The following ARHGAP5 variants were observed in gnomAD, a reference collection of about 807,000 sequenced individuals.
ARHGAP5 encodes rho GTPase-activating protein 5.
Under a neutral mutation model 116.6 loss-of-function variants are expected in ARHGAP5, and 23 were observed. The observed-to-expected ratio is 0.20, with a 90% CI of 0.14 to 0.28. The LOEUF is 0.28. Ranked by LOEUF, ARHGAP5 falls within the 10% of genes least tolerant of loss-of-function variation. ARHGAP5 has a pLI of 1.00. For synonymous variants in ARHGAP5, 574 were observed against 602.0 expected (o/e 0.95, Z 0.68); for missense variants, 1,405 against 1,774.8 (o/e 0.79, Z 3.74).
At chr14:32,085,483 C>G (rs1470268647) in intron 1 of ARHGAP5, among the ~76,000 whole-genome samples, 2 of 152,144 alleles carry the variant, frequency 1.3e-5, no homozygotes, top group Non-Finnish European at 2.9e-5. Flanking sequence ...AGTAATGCAT[C>G]AGTACTACAC....
intron 2 of ARHGAP5, among the ~76,000 whole-genome samples, chr14:32,102,338 A>G (rs1566665981): frequency 6.6e-6 from 1 of 152,134 alleles, no homozygotes; most frequent in East Asian, 1.9e-4. Context: ...TAACCAATAC[A>G]GTCTGTCCAG....
chr14:32,149,629 G>A (rs1189513159), intron 4 of ARHGAP5, among the ~76,000 whole-genome samples: 4 of 151,750 alleles, frequency 2.6e-5, no homozygotes, highest in African/African-American at 7.3e-5. Context: ...AAAATTAGCC[G>A]GGCGTGGTGA....
At chr14:32,078,365 T>G (rs2041735267) in intron 1 of ARHGAP5, 1 of 152,244 alleles carries the variant, frequency 6.6e-6, no homozygotes, top group South Asian at 2.1e-4. Flanking sequence ...CGCTTATACT[T>G]CTACCATGTG....
chr14:32,148,309 A>G (rs1192228622), intron 4 of ARHGAP5, among the ~76,000 whole-genome samples: 2 of 152,190 alleles, frequency 1.3e-5, no homozygotes, highest in Non-Finnish European at 2.9e-5. Context: ...TATAGTTAAT[A>G]CCAAGGCTCT....
At chr14:32,135,487 A>G (rs1338737317) in intron 3 of ARHGAP5, among the ~76,000 whole-genome samples, 1 of 152,204 alleles carries the variant, frequency 6.6e-6, no homozygotes, top group African/African-American at 2.4e-5. Context: ...CAGTGGCGTG[A>G]TCTAGCCTCA....
intron 1 of ARHGAP5, among the ~76,000 whole-genome samples, chr14:32,081,077 C>T (rs1032311851): frequency 2.6e-5 from 4 of 152,058 alleles, no homozygotes; most frequent in Admixed American, 1.3e-4. Flanking sequence ...CAGCTAGGCA[C>T]TGAGTGATAC....
rs921915807 is a variant in ARHGAP5 at position 32,092,509 on chromosome 14, A to T, written c.1840A>T (p.Ile614Leu). The change falls in exon 2 of 7, where the codon ATA becomes TTA. Residue 614 changes from isoleucine to leucine, a missense_variant. Around this residue, in one of 6 missense-constraint regions of ARHGAP5, gnomAD observed 944 missense variants for 1,095.3 expected, o/e 0.86. Transcript: ENST00000345122. This position sits in a 1 kb window ranked among gnomAD's most constrained non-coding sequence, Gnocchi z 4.1. ...DGLAQELANEIRTQSTDDEYA... is the reference protein window; with the variant it reads ...DGLAQELANELRTQSTDDEYA... ...CCTTGCCCAAGAACTAGCAAATGAG[A>T]TAAGGACACAATCCACTGATGATGA... The T allele has an allele frequency of 1.7e-5, 27 of 1,614,016 alleles. No individual in the cohort carries two copies. The highest frequency in any genetic ancestry group is 2.1e-5 in the Non-Finnish European group (25 of 1,179,886).
In ARHGAP5 at chr14:32,093,673, C is replaced by T; in HGVS notation, c.3004C>T (p.Pro1002Ser). Residue 1002 changes from proline to serine, a missense_variant, in exon 2 of 7, where the codon CCA (proline) becomes TCA (serine). Physicochemically the swap from Pro to Ser is moderately conservative, Grantham distance 74. Transcript: ENST00000345122. ...AATTGGGGATGATGTACAGTTGCTT[C>T]CAACACCTAGTGACCGTTCCAGATA... is the stretch of plus-strand genomic sequence containing the variant. ...SPIGDDVQLL[P>S]TPSDRSRYRL... is the part of the protein sequence containing the mutation. 1 of 1,613,982 alleles carries T rather than the reference C, an allele frequency of 6.2e-7. No homozygotes were observed. Among genetic ancestry groups the T allele is most frequent in the Non-Finnish European group, 8.5e-7 (1 of 1,179,942 alleles).
intron 3 of ARHGAP5, among the ~76,000 whole-genome samples, chr14:32,131,933 C>T (rs1039071530): frequency 1.3e-5 from 2 of 152,190 alleles, no homozygotes; most frequent in African/African-American, 4.8e-5. Flanking sequence ...TTTATGGCTG[C>T]ATAGTATTCC....
chr14:32,097,286 A>T (rs1329062433), intron 2 of ARHGAP5, among the ~76,000 whole-genome samples: 3 of 152,198 alleles, frequency 2.0e-5, no homozygotes. Flanking sequence ...AAGGAAAATC[A>T]TATCCATGTT....
chr14:32,130,547 T>G (rs559990656), intron 3 of ARHGAP5, among the ~76,000 whole-genome samples: 1 of 148,486 alleles, frequency 6.7e-6, no homozygotes, highest in Non-Finnish European at 1.5e-5. Flanking sequence ...GATTGATTGA[T>G]TGATTGATTT....
Position 32,154,702 on chromosome 14 carries a change from T to G in ARHGAP5, c.4263T>G (p.Asp1421Glu). The G allele has an allele frequency of 6.2e-7, 1 of 1,614,150 alleles. No individual in the cohort carries two copies. The highest frequency in any genetic ancestry group is 2.2e-5 in the East Asian group (1 of 44,886). ...ICFWPTLMRP[D>E]FENREFLSTT... ...TTTGGCCAACCTTGATGAGACCTGA[T>G]TTTGAAAATCGAGAGTTTCTGTCTA... Residue 1421 changes from aspartate (D) to glutamate (E), a missense_variant, in exon 7 of 7, where the codon GAT becomes GAG. Transcript: ENST00000345122.
At chr14:32,079,253 A>G (rs775904607) in intron 1 of ARHGAP5, among the ~76,000 whole-genome samples, 1 of 152,228 alleles carries the variant, frequency 6.6e-6, no homozygotes, top group African/African-American at 2.4e-5. Flanking sequence ...TTAAACCTAG[A>G]TCAACATGTC....
At chr14:32,113,514 G>A (rs1315104335) in intron 2 of ARHGAP5, among the ~76,000 whole-genome samples, 1 of 152,158 alleles carries the variant, frequency 6.6e-6, no homozygotes, top group African/African-American at 2.4e-5. Context: ...TAGATTGCTA[G>A]CTCTGAATCT....
intron 3 of ARHGAP5, among the ~76,000 whole-genome samples, chr14:32,118,508 G>A (rs112801722): frequency 0.059 from 9,005 of 151,418 alleles, 387 homozygotes; most frequent in East Asian, 0.2. Flanking sequence ...AAAAAAAAAA[G>A]AAAGAAGAAA....
rs141045199 is a variant in ARHGAP5, at chr14:32,144,764, G to A, written c.3866-1499G>A. Reference sequence around the variant, plus strand: ...TTCCCAAAGTGCTGGGATTACAGGCGGGAGCCATCACTCCTGGCCTAAAAT... The same window carrying A: ...TTCCCAAAGTGCTGGGATTACAGGCAGGAGCCATCACTCCTGGCCTAAAAT... On this transcript the variant is annotated intron_variant, in intron 3 of 6. Coordinates refer to ENST00000345122, the MANE Select transcript of ARHGAP5 (RefSeq NM_001030055.2). Among the ~76,000 whole-genome samples, 123 of 152,208 alleles carry A rather than the reference G, an allele frequency of 8.1e-4. 1 individual carries two copies. The highest frequency in any genetic ancestry group is 7.7e-3 in the Admixed American group (118 of 15,294).
chr14:32,080,035 A>G (rs2041756426), intron 1 of ARHGAP5, among the ~76,000 whole-genome samples: 1 of 152,152 alleles, frequency 6.6e-6, no homozygotes, highest in Admixed American at 6.5e-5. Flanking sequence ...ATCATTCAGT[A>G]ATTTGAGTAA....
At chr14:32,116,685 A>G (rs1879616819) in intron 2 of ARHGAP5, among the ~76,000 whole-genome samples, 1 of 152,210 alleles carries the variant, frequency 6.6e-6, no homozygotes, top group Non-Finnish European at 1.5e-5. Flanking sequence ...CTAACGGTTC[A>G]TGGAGTTATA....
chr14:32,132,034 G>T (rs113441256), intron 3 of ARHGAP5, among the ~76,000 whole-genome samples: 1,555 of 152,194 alleles, frequency 0.01, 14 homozygotes, highest in Middle Eastern at 0.017. Context: ...GAATAGTGCC[G>T]CAATAAACAT....
Sources: gnomAD v4.1 joint callset for allele counts (sites outside exome capture counted in the v4.1 genomes callset) on GRCh38, gnomAD v4.1.1 for gene constraint, gnomAD v4.1.1 regional missense constraint, Gnocchi (gnomAD v3.1) non-coding constraint, MANE v1.5 for transcripts, NCBI Gene and HGNC (gene_info 2026-07-23, HGNC 2026-07-21) for gene names.